Variants in GMDS observed in about 807,000 individuals in gnomAD.
The protein encoded by GMDS is GDP-mannose 4,6 dehydratase.
In GMDS, 20 loss-of-function variants were observed where a neutral mutation model predicts 49.9. The ratio of observed to expected loss-of-function variants is 0.40; its 90% CI spans 0.28 to 0.58. The LOEUF (loss-of-function observed/expected upper bound fraction) is 0.58. GMDS is among the 20% of genes least tolerant of loss of function. The pLI is 0.42. For synonymous variants in GMDS, 177 were observed against 178.6 expected, an observed-to-expected ratio of 0.99 and a Z score of 0.07; for missense variants, 362 against 481.4, an observed-to-expected ratio of 0.75 and a Z score of 2.32.
chr6:1,910,330 T>G (rs1329890068), intron 7 of GMDS, among the ~76,000 whole-genome samples: 1 of 149,706 alleles, frequency 6.7e-6, no homozygotes, highest in Non-Finnish European at 1.5e-5. Context: ...AAAAAGAAGA[T>G]GATACTGGGC....
At position 2,245,310 on chromosome 6, in the gene GMDS, C is replaced by T. The variant is rs1401588799; in HGVS notation, c.102+11G>A. ...CTGCCTCGGCCGGCGCGCCCCCGCC[C>T]CCGCACTCACCTGGCCTGTGATACC... On this transcript the variant is annotated intron_variant, in intron 1 of 10. Transcript: ENST00000380815. 2 of 1,523,826 alleles carry T rather than the reference C, an allele frequency of 1.3e-6. No individual in the cohort carries two copies. The highest frequency in any genetic ancestry group is 3.9e-5 in the Admixed American group (2 of 51,116). 94.4% of individuals were successfully genotyped at this position (1,523,826 alleles called of 1,614,324 possible).
chr6:2,064,490 C>G (rs1183826378), intron 4 of GMDS, among the ~76,000 whole-genome samples: 2 of 152,156 alleles, frequency 1.3e-5, no homozygotes, highest in Non-Finnish European at 2.9e-5. Flanking sequence ...GTTTTTGTCC[C>G]TGGGGCTTGC....
At chr6:1,810,558 C>T (rs1279056756) in intron 7 of GMDS, among the ~76,000 whole-genome samples, 6 of 152,120 alleles carry the variant, frequency 3.9e-5, no homozygotes, top group East Asian at 1.9e-4. Context: ...GCTAGGGTTA[C>T]AGGCGTGAGC....
At chr6:1,811,077 A>C (rs544291924) in intron 7 of GMDS, among the ~76,000 whole-genome samples, 2 of 152,076 alleles carry the variant, frequency 1.3e-5, no homozygotes, top group East Asian at 3.9e-4. Context: ...TCTTGATGAG[A>C]GCTGGTCCTG....
intron 9 of GMDS, among the ~76,000 whole-genome samples, chr6:1,658,295 T>G (rs979918825): frequency 6.6e-6 from 1 of 152,238 alleles, no homozygotes; most frequent in Admixed American, 6.5e-5. Flanking sequence ...ACCCTTCAAC[T>G]TGTTCACTGT....
intron 7 of GMDS, among the ~76,000 whole-genome samples, chr6:1,825,179 T>C (rs953811008): frequency 5.9e-5 from 9 of 152,218 alleles, no homozygotes; most frequent in African/African-American, 2.2e-4. Flanking sequence ...GGTATTTACA[T>C]GTGCCAAAGC....
intron 4 of GMDS, among the ~76,000 whole-genome samples, chr6:2,067,475 A>C (rs1213754559): frequency 6.6e-6 from 1 of 152,146 alleles, no homozygotes; most frequent in Non-Finnish European, 1.5e-5. Flanking sequence ...TGAATCCAGG[A>C]GCTGCTTTTT....
intron 4 of GMDS, among the ~76,000 whole-genome samples, chr6:2,013,231 G>C (rs923660412): frequency 1.3e-5 from 2 of 152,268 alleles, no homozygotes; most frequent in Middle Eastern, 3.4e-3. Context: ...AGAGAGTGAA[G>C]AAACAACATC....
intron 7 of GMDS, among the ~76,000 whole-genome samples, chr6:1,883,746 A>C (rs990623544): frequency 6.6e-6 from 1 of 152,194 alleles, no homozygotes; most frequent in Non-Finnish European, 1.5e-5. Flanking sequence ...TTGTGTGCTG[A>C]GCCAAGCAAT....
At chr6:1,959,708 G>A (rs1763833122) in intron 6 of GMDS, 159 bp downstream of exon 6, 1 of 409,256 alleles carries the variant, frequency 2.4e-6, no homozygotes, top group East Asian at 3.6e-5. Context: ...AAAAACTAAG[G>A]CTGGGTATAC....
intron 4 of GMDS, among the ~76,000 whole-genome samples, chr6:2,015,188 C>T (rs984148523): frequency 2.6e-5 from 4 of 152,096 alleles, no homozygotes; most frequent in Admixed American, 1.3e-4. Flanking sequence ...AAGTGAAAAA[C>T]GCCATCAATC....
At chr6:1,671,315 C>A (rs1283749036) in intron 9 of GMDS, among the ~76,000 whole-genome samples, 1 of 152,160 alleles carries the variant, frequency 6.6e-6, no homozygotes, top group South Asian at 2.1e-4. Flanking sequence ...TCACTCGACG[C>A]CCTGTTTAGA....
At chr6:1,749,885 G>A (rs767035480) in intron 7 of GMDS, among the ~76,000 whole-genome samples, 3 of 152,068 alleles carry the variant, frequency 2.0e-5, no homozygotes, top group Non-Finnish European at 4.4e-5. Context: ...AGACTGTAGT[G>A]CCGTGGCATG....
intron 9 of GMDS, among the ~76,000 whole-genome samples, chr6:1,656,498 T>C (rs1286190823): frequency 1.3e-5 from 2 of 152,136 alleles, no homozygotes; most frequent in African/African-American, 4.8e-5. Context: ...GAGTGGTGGC[T>C]CATGCCTGTA....
chr6:1,853,244 C>T (rs1323689605), intron 7 of GMDS, among the ~76,000 whole-genome samples: 1 of 151,704 alleles, frequency 6.6e-6, no homozygotes, highest in Non-Finnish European at 1.5e-5. Context: ...GAGGGCCGGG[C>T]GCGGTGGCTC....
At chr6:2,067,639 C>G (rs1331982768) in intron 4 of GMDS, among the ~76,000 whole-genome samples, 6 of 152,078 alleles carry the variant, frequency 3.9e-5, no homozygotes, top group Non-Finnish European at 8.8e-5. Flanking sequence ...ATAAACACCT[C>G]TACGCAAATA....
Position 1,654,848 on chromosome 6 carries a change from G to T in GMDS, c.988-30308C>A, listed in dbSNP as rs112722790. Among the ~76,000 whole-genome samples, 167 of 152,162 alleles carry T rather than the reference G, an allele frequency of 1.1e-3. 1 individual carries two copies. The highest frequency in any genetic ancestry group is 3.9e-3 in the African/African-American group (163 of 41,522). ...GAGCTCGAGGTGGGCGGATCATGAG[G>T]TCAAGAGATTGAGACTATCCTGGCC... On this transcript the variant is annotated intron_variant, in intron 9 of 10. Coordinates refer to ENST00000380815, the MANE Select transcript of GMDS (RefSeq NM_001500.4).
intron 9 of GMDS, among the ~76,000 whole-genome samples, chr6:1,699,372 G>T (rs1765459591): frequency 6.6e-6 from 1 of 152,148 alleles, no homozygotes; most frequent in Non-Finnish European, 1.5e-5. Flanking sequence ...GGGTCTCCAG[G>T]AGGGCCTAAC....
chr6:2,182,656 C>T (rs1418833779), intron 1 of GMDS, among the ~76,000 whole-genome samples: 1 of 152,180 alleles, frequency 6.6e-6, no homozygotes, highest in Non-Finnish European at 1.5e-5. Flanking sequence ...CATCTGTTTA[C>T]AAATTGGTTT....
Sources: gnomAD v4.1 joint callset for allele counts (sites outside exome capture counted in the v4.1 genomes callset) on GRCh38, gnomAD v4.1.1 for gene constraint, MANE v1.5 for transcripts, NCBI Gene and HGNC (gene_info 2026-07-23, HGNC 2026-07-21) for gene names.